TNIK: variants seen among roughly 807,000 people sequenced by gnomAD.
The protein encoded by TNIK is TRAF2 and NCK-interacting protein kinase.
TNIK carries 49 observed loss-of-function variants against 191.3 expected under a neutral mutation model. The ratio of observed to expected loss-of-function variants is 0.26; its 90% confidence interval spans 0.20 to 0.32. TNIK has a LOEUF of 0.32. Ranked by LOEUF, TNIK falls within the 10% of genes least tolerant of loss-of-function variation. TNIK has a pLI of 1.00. For synonymous variants in TNIK, 594 were observed against 600.9 expected (o/e 0.99, Z 0.17); for missense variants, 1,155 against 1,702.3 (o/e 0.68, Z 5.66).
At chr3:171,084,089 T>C in intron 26 of TNIK, 66 bp downstream of exon 26, 1 of 1,452,374 alleles carries the variant, frequency 6.9e-7, no homozygotes, top group Non-Finnish European at 9.1e-7. Context: ...AGGCTTTTAA[T>C]GTTTGAGGGT....
At chr3:171,088,839 G>A (rs1009142465) in intron 23 of TNIK, among the ~76,000 whole-genome samples, 2 of 152,232 alleles carry the variant, frequency 1.3e-5, no homozygotes, top group Non-Finnish European at 2.9e-5. Context: ...ATCTGATTAA[G>A]TGATGATTTC....
At chr3:171,117,341 G>C (rs1166596351) in intron 18 of TNIK, among the ~76,000 whole-genome samples, 19 of 152,204 alleles carry the variant, frequency 1.2e-4, no homozygotes, top group Admixed American at 1.2e-3. Context: ...TAAGAATGTA[G>C]ACTTTGGTGC....
At chr3:171,079,735 T>C (rs761409683) in intron 27 of TNIK, 83 bp from the exon 28 acceptor site, 11 of 1,448,720 alleles carry the variant, frequency 7.6e-6, no homozygotes, top group Non-Finnish European at 1.0e-5. Context: ...ATTTCTAATT[T>C]ATTTTATTTA....
At chr3:171,188,952 C>G in intron 6 of TNIK, 120 bp from the exon 7 acceptor site, 1 of 1,277,254 alleles carries the variant, frequency 7.8e-7, no homozygotes, top group Non-Finnish European at 1.1e-6. Flanking sequence ...CAATTTTGAC[C>G]ATTTTCAAAT....
rs540307425 is a variant in TNIK, at chr3:171,271,125, C to T, written c.124-42904G>A. On this transcript the variant is annotated intron_variant, in intron 2 of 32. Transcript: ENST00000436636. ...ATTGGGTTCTGGCTTACCCTAAGGACAAGCTTATTCTTACTGTGCCAGGGT... is the reference window on the plus strand; with the variant it reads ...ATTGGGTTCTGGCTTACCCTAAGGATAAGCTTATTCTTACTGTGCCAGGGT... Among the ~76,000 whole-genome samples the T allele has an allele frequency of 2.6e-5, 4 of 152,308 alleles. 1 individual carries two copies. In the South Asian group the frequency reaches 8.3e-4, roughly 32 times the overall value.
intron 2 of TNIK, among the ~76,000 whole-genome samples, chr3:171,368,056 T>C (rs926592739): frequency 6.6e-6 from 1 of 152,210 alleles, no homozygotes; most frequent in Non-Finnish European, 1.5e-5. Context: ...TTTGTTTCCT[T>C]GCCTTTTTCA....
chr3:171,331,795 C>T (rs1228806948), intron 2 of TNIK, among the ~76,000 whole-genome samples: 1 of 152,048 alleles, frequency 6.6e-6, no homozygotes, highest in Non-Finnish European at 1.5e-5. Flanking sequence ...TCACACGGGC[C>T]TTTTTGATAA....
intron 2 of TNIK, among the ~76,000 whole-genome samples, chr3:171,279,658 C>T (rs1187486152): frequency 6.6e-6 from 1 of 152,054 alleles, no homozygotes; most frequent in Non-Finnish European, 1.5e-5. Context: ...CTATTAAGTG[C>T]ACTTAACATT....
At chr3:171,274,527 AT>A (rs1212657825) in intron 2 of TNIK, among the ~76,000 whole-genome samples, 5 of 152,200 alleles carry the variant, frequency 3.3e-5, no homozygotes, top group African/African-American at 1.2e-4. Context: ...GTAAAGTAAT[AT>A]AAAAATGTTA....
At chr3:171,133,869 T>A (rs923816210) in intron 15 of TNIK, among the ~76,000 whole-genome samples, 1 of 152,198 alleles carries the variant, frequency 6.6e-6, no homozygotes, top group Non-Finnish European at 1.5e-5. Flanking sequence ...AAGAGATATT[T>A]TGGCCCTTAT....
At chr3:171,399,969 G>A (rs906293934) in intron 1 of TNIK, among the ~76,000 whole-genome samples, 17 of 152,176 alleles carry the variant, frequency 1.1e-4, no homozygotes. Context: ...ACTCTGGGCT[G>A]CATACAGCTG....
At chr3:171,219,117 ATATAAATATATAAT>A (rs1441997261) in intron 3 of TNIK, among the ~76,000 whole-genome samples, 1 of 133,378 alleles carries the variant, frequency 7.5e-6, no homozygotes, top group South Asian at 2.2e-4. Context: ...TATATATTTT[ATATAAATATATAAT>A]TATAAATATA....
chr3:171,139,825 T>C (rs1426980157), intron 13 of TNIK, among the ~76,000 whole-genome samples: 1 of 152,228 alleles, frequency 6.6e-6, no homozygotes, highest in Non-Finnish European at 1.5e-5. Context: ...TAAGCCCAGC[T>C]ACATGTTAAA....
intron 12 of TNIK, among the ~76,000 whole-genome samples, chr3:171,153,040 G>T (rs1576979005): frequency 6.6e-6 from 1 of 152,024 alleles, no homozygotes; most frequent in East Asian, 1.9e-4. Flanking sequence ...CAAAATGCTG[G>T]GATTACAGTG....
At chr3:171,419,620 C>G (rs1723510232) in intron 1 of TNIK, among the ~76,000 whole-genome samples, 1 of 152,190 alleles carries the variant, frequency 6.6e-6, no homozygotes, top group Admixed American at 6.5e-5. Context: ...AGTGCTCCCA[C>G]TCATTAGCTG....
intron 2 of TNIK, among the ~76,000 whole-genome samples, chr3:171,300,081 A>T (rs1752719370): frequency 6.6e-6 from 1 of 152,270 alleles, no homozygotes; most frequent in Non-Finnish European, 1.5e-5. Flanking sequence ...GAAGTCTCAC[A>T]AAGATAAATG....
At chr3:171,291,704 C>T (rs1751702413) in intron 2 of TNIK, among the ~76,000 whole-genome samples, 1 of 152,138 alleles carries the variant, frequency 6.6e-6, no homozygotes, top group Non-Finnish European at 1.5e-5. Flanking sequence ...CTATGATATG[C>T]TTTGGTGTGA....
At chr3:171,285,751 T>C (rs1169150091) in intron 2 of TNIK, among the ~76,000 whole-genome samples, 1 of 152,254 alleles carries the variant, frequency 6.6e-6, no homozygotes, top group East Asian at 1.9e-4. Context: ...TGTTCTCAAC[T>C]CTGGCTGTAT....
At chr3:171,267,242 A>G (rs756450291) in intron 2 of TNIK, among the ~76,000 whole-genome samples, 1 of 152,240 alleles carries the variant, frequency 6.6e-6, no homozygotes, top group South Asian at 2.1e-4. Context: ...AAGAAGAGCC[A>G]AGAGGTTCTC....
Sources: gnomAD v4.1 joint callset for allele counts (sites outside exome capture counted in the v4.1 genomes callset) on GRCh38, gnomAD v4.1.1 for gene constraint, MANE v1.5 for transcripts, NCBI Gene and HGNC (gene_info 2026-07-23, HGNC 2026-07-21) for gene names.